Variants in CARMIL1 observed in about 807,000 individuals in gnomAD.
The protein encoded by CARMIL1 is F-actin-uncapping protein LRRC16A.
Under a neutral mutation model 177.1 loss-of-function variants are expected in CARMIL1, and 90 were observed. That is an observed-to-expected ratio of 0.51 (90% CI 0.43 to 0.61). CARMIL1 has a LOEUF of 0.61. CARMIL1 is among the 20% of genes least tolerant of loss of function. The pLI, the probability that CARMIL1 is intolerant of heterozygous loss-of-function variation, is 0.00. For synonymous variants in CARMIL1, 577 were observed against 606.2 expected, an observed-to-expected ratio of 0.95 and a Z score of 0.71; for missense variants, 1,380 against 1,667.0, an observed-to-expected ratio of 0.83 and a Z score of 3.00.
At chr6:25,436,255 A>T (rs1461292003) in intron 5 of CARMIL1, among the ~76,000 whole-genome samples, 1 of 152,140 alleles carries the variant, frequency 6.6e-6, no homozygotes, top group Non-Finnish European at 1.5e-5. Flanking sequence ...AGGCAAAGAG[A>T]TGCTTATGTC....
At chr6:25,289,393 A>C (rs750022803) in intron 2 of CARMIL1, among the ~76,000 whole-genome samples, 3 of 152,196 alleles carry the variant, frequency 2.0e-5, no homozygotes, top group Admixed American at 6.5e-5. Context: ...TTAAAATTAA[A>C]CTTTTTCATT....
At chr6:25,453,220 T>G (rs1419514398) in intron 8 of CARMIL1, among the ~76,000 whole-genome samples, 1 of 152,056 alleles carries the variant, frequency 6.6e-6, no homozygotes, top group Non-Finnish European at 1.5e-5. Context: ...ATTTAAATTT[T>G]TGCTTGAAAG....
At chr6:25,325,536 G>A (rs1016955930) in intron 2 of CARMIL1, among the ~76,000 whole-genome samples, 1 of 152,070 alleles carries the variant, frequency 6.6e-6, no homozygotes, top group Non-Finnish European at 1.5e-5. Flanking sequence ...TAATTTGCTT[G>A]GCTTAAAGGG....
rs958520633 is a variant in CARMIL1 at position 25,482,249 on chromosome 6, T to C, written c.875-8T>C. On this transcript the variant is annotated splice_polypyrimidine_tract_variant and splice_region_variant and intron_variant, in intron 11 of 36. Coordinates refer to ENST00000329474, the MANE Select transcript of CARMIL1 (RefSeq NM_017640.6). ...GAAAATTCTAATCGCTTCTTTTTCC[T>C]TTCTCAGGTGTGTCCTCTTTAAGTA... The C allele has an allele frequency of 1.6e-5, 24 of 1,470,670 alleles. No homozygotes were observed. Among genetic ancestry groups the C allele is most frequent in the Non-Finnish European group, 2.1e-5 (23 of 1,070,074 alleles). The allele number at this position is 1,470,670 out of a possible 1,614,324, so 91.1% of individuals were successfully genotyped here.
chr6:25,405,382 A>T (rs1428183780), intron 2 of CARMIL1, among the ~76,000 whole-genome samples: 3 of 152,192 alleles, frequency 2.0e-5, no homozygotes, highest in Non-Finnish European at 4.4e-5. Flanking sequence ...CCTCATCAGT[A>T]CCCTGACCCA....
intron 2 of CARMIL1, among the ~76,000 whole-genome samples, chr6:25,298,067 T>C (rs1243056863): frequency 6.6e-6 from 1 of 152,170 alleles, no homozygotes; most frequent in African/African-American, 2.4e-5. Flanking sequence ...ATCTGTAAAA[T>C]GGGTGTAATA....
intron 2 of CARMIL1, among the ~76,000 whole-genome samples, chr6:25,285,213 T>C (rs1007323496): frequency 6.6e-6 from 1 of 152,224 alleles, no homozygotes; most frequent in Non-Finnish European, 1.5e-5. Flanking sequence ...TAAATGGAAC[T>C]TTTTTATTTG....
At chr6:25,531,417 G>A (rs1393110921) in intron 24 of CARMIL1, among the ~76,000 whole-genome samples, 1 of 152,186 alleles carries the variant, frequency 6.6e-6, no homozygotes, top group Non-Finnish European at 1.5e-5. Flanking sequence ...TAGGCATAGA[G>A]ACATGTAAAA....
chr6:25,512,725 A>G (rs373978274), intron 20 of CARMIL1, among the ~76,000 whole-genome samples: 2 of 152,198 alleles, frequency 1.3e-5, no homozygotes, highest in South Asian at 2.1e-4. Context: ...GGTGGGTTCC[A>G]GTGTCACCTT....
At chr6:25,338,267 A>ATAAAATAAAAT (rs574711233) in intron 2 of CARMIL1, among the ~76,000 whole-genome samples, 64,897 of 151,426 alleles carry the variant, frequency 0.43, 14,130 homozygotes, top group African/African-American at 0.51. Context: ...AAAAAAAAAA[A>ATAAAATAAAAT]AATAAAATAA....
At chr6:25,382,249 C>T (rs1184105676) in intron 2 of CARMIL1, among the ~76,000 whole-genome samples, 3 of 151,882 alleles carry the variant, frequency 2.0e-5, no homozygotes, top group Non-Finnish European at 4.4e-5. Context: ...AGGTGTACGT[C>T]ACCACGTCTG....
intron 33 of CARMIL1, among the ~76,000 whole-genome samples, chr6:25,601,706 T>C (rs1414882325): frequency 6.6e-6 from 1 of 152,224 alleles, no homozygotes; most frequent in Non-Finnish European, 1.5e-5. Flanking sequence ...AATAACTTCA[T>C]AGTTTAAAAT....
In CARMIL1 at chr6:25,600,352, A is replaced by G. The variant is rs1171322480; in HGVS notation, c.3158A>G (p.Asn1053Ser). 42 of 1,613,830 alleles carry G rather than the reference A, an allele frequency of 2.6e-5. No homozygotes were observed. Among genetic ancestry groups the G allele is most frequent in the Non-Finnish European group, 3.1e-5 (37 of 1,179,876 alleles). ...AGAGGCTCAGAGTCCCATGAGCTTA[A>G]TGAAGGAGGAGATGAAAAGAAAAAG... ...STRGSESHELNEGGDEKKKRD... is the reference protein window; with the variant it reads ...STRGSESHELSEGGDEKKKRD... The change falls in exon 33 of 37, where the codon AAT becomes AGT. Residue 1053 changes from asparagine to serine, a missense_variant. Coordinates refer to ENST00000329474, the MANE Select transcript of CARMIL1 (RefSeq NM_017640.6).
chr6:25,612,106 T>C (rs543410450), intron 36 of CARMIL1, among the ~76,000 whole-genome samples: 39 of 152,330 alleles, frequency 2.6e-4, no homozygotes, highest in Admixed American at 4.6e-4. Flanking sequence ...GGATCCAGAA[T>C]AAGTTAATCA....
chr6:25,446,318 T>C (rs554039837), intron 5 of CARMIL1, among the ~76,000 whole-genome samples: 92 of 152,362 alleles, frequency 6.0e-4, no homozygotes, highest in African/African-American at 2.1e-3. Context: ...ATCAGTTGTT[T>C]AGTGTAGCCA....
rs1250852113 is a variant in CARMIL1, at chr6:25,581,421, G to A, written c.2988G>A (p.Gln996=). Residue 996 remains glutamine, a synonymous_variant, in exon 31 of 37, where the codon CAG becomes CAA. Transcript: ENST00000329474. ...TAAGGCCAAAAAGGAATAAGAAGCA[G>A]CAACCCACCCAAGCAGCGGTAGGTG... ...TKLRPKRNKK[Q]QPTQAAVCAA... 6.2e-7 allele frequency: 1 copy of A among 1,611,488 alleles called. No individual in the cohort carries two copies. Among genetic ancestry groups the A allele is most frequent in the African/African-American group, 1.3e-5 (1 of 74,826 alleles).
intron 2 of CARMIL1, among the ~76,000 whole-genome samples, chr6:25,365,529 A>G (rs1245992545): frequency 6.6e-6 from 1 of 152,184 alleles, no homozygotes; most frequent in Non-Finnish European, 1.5e-5. Flanking sequence ...GTATTGGAGA[A>G]GAATTGCCGT....
At chr6:25,347,082 G>C (rs1425193229) in intron 2 of CARMIL1, among the ~76,000 whole-genome samples, 1 of 152,166 alleles carries the variant, frequency 6.6e-6, no homozygotes, top group African/African-American at 2.4e-5. Context: ...TTAACATGCT[G>C]TTTCAAATGT....
At chr6:25,327,710 A>G (rs1279873824) in intron 2 of CARMIL1, among the ~76,000 whole-genome samples, 1 of 152,238 alleles carries the variant, frequency 6.6e-6, no homozygotes, top group Non-Finnish European at 1.5e-5. Flanking sequence ...CCTGGCAACT[A>G]GCATAACAAG....
Sources: gnomAD v4.1 joint callset for allele counts (sites outside exome capture counted in the v4.1 genomes callset) on GRCh38, gnomAD v4.1.1 for gene constraint, MANE v1.5 for transcripts, NCBI Gene and HGNC (gene_info 2026-07-23, HGNC 2026-07-21) for gene names.